The following GALNT5 variants were observed in gnomAD, a reference collection of about 807,000 sequenced individuals.
GALNT5 encodes the protein UDP-GalNAc:polypeptide N-acetylgalactosaminyltransferase 5.
A neutral mutation model predicts 85.4 loss-of-function variants in GALNT5; 72 were observed. That is an observed-to-expected ratio of 0.84 (90% CI 0.70 to 1.03). The LOEUF (loss-of-function observed/expected upper bound fraction) is 1.03, where lower values mean the gene tolerates loss of function less well. Ranked by LOEUF, GALNT5 falls within the 50% of genes least tolerant of loss-of-function variation. The pLI, the probability that GALNT5 is intolerant of heterozygous loss-of-function variation, is 0.00. For missense variants in GALNT5, 1,137 were observed against 1,135.5 expected (o/e 1.00, Z -0.02); for synonymous variants, 404 against 397.0 (o/e 1.02, Z -0.21).
intron 8 of GALNT5, among the ~76,000 whole-genome samples, chr2:157,306,569 A>G (rs780628177): frequency 1.1e-4 from 16 of 152,202 alleles, no homozygotes; most frequent in Admixed American, 3.3e-4. Flanking sequence ...TTGTGGAAAC[A>G]GTTATTGGTT....
At chr2:157,265,427 A>G (rs1682435886) in intron 1 of GALNT5, among the ~76,000 whole-genome samples, 1 of 152,230 alleles carries the variant, frequency 6.6e-6, no homozygotes, top group African/African-American at 2.4e-5. Flanking sequence ...GTTTCTTTCT[A>G]AAAAGAAAAC....
intron 7 of GALNT5, among the ~76,000 whole-genome samples, chr2:157,304,333 T>C (rs936793282): frequency 1.3e-5 from 2 of 152,230 alleles, no homozygotes; most frequent in Non-Finnish European, 2.9e-5. Flanking sequence ...AGAGATTCCA[T>C]CCTTCCATAG....
At chr2:157,288,592 GATTC>G (rs140310925) in intron 3 of GALNT5, among the ~76,000 whole-genome samples, 2,658 of 152,258 alleles carry the variant, frequency 0.017, 77 homozygotes, top group African/African-American at 0.06. Flanking sequence ...AGTCATAAAA[GATTC>G]ATTTGGGGAG....
chr2:157,309,376 G>A (rs1437012408), intron 9 of GALNT5, among the ~76,000 whole-genome samples: 1 of 152,142 alleles, frequency 6.6e-6, no homozygotes, highest in Non-Finnish European at 1.5e-5. Context: ...TTTTCTGAAG[G>A]TCCAGTTGTT....
chr2:157,266,809 T>C (rs947747691), intron 1 of GALNT5, among the ~76,000 whole-genome samples: 1 of 152,200 alleles, frequency 6.6e-6, no homozygotes, highest in African/African-American at 2.4e-5. Flanking sequence ...TTCCTTATAG[T>C]CATATGACAT....
At chr2:157,307,820 C>T (rs1339227451) in intron 8 of GALNT5, among the ~76,000 whole-genome samples, 2 of 152,012 alleles carry the variant, frequency 1.3e-5, no homozygotes, top group Non-Finnish European at 2.9e-5. Context: ...TCCCACAGAC[C>T]CAGAGCATTA....
chr2:157,258,068 G>A lies in GALNT5; in HGVS notation c.-15G>A. 6.2e-7 allele frequency: 1 copy of A among 1,611,684 alleles called. No homozygotes were observed. Among genetic ancestry groups the A allele is most frequent in the Non-Finnish European group, 8.5e-7 (1 of 1,179,936 alleles). ...AGGCTAAGGGAGGGCAGGCTGCTAG[G>A]GAAAGCTTTGTACCATGAACAGGAT... On this transcript the variant is annotated 5_prime_UTR_variant, in exon 1 of 10. Transcript: ENST00000259056.
intron 1 of GALNT5, among the ~76,000 whole-genome samples, chr2:157,272,567 C>T (rs1433542382): frequency 1.3e-5 from 2 of 152,104 alleles, no homozygotes; most frequent in East Asian, 3.9e-4. Flanking sequence ...TCTATCATTG[C>T]CATCTTTATG....
At chr2:157,270,813 ATAGT>A (rs1204839468) in intron 1 of GALNT5, among the ~76,000 whole-genome samples, 1 of 152,214 alleles carries the variant, frequency 6.6e-6, no homozygotes, top group Non-Finnish European at 1.5e-5. Context: ...TAATAAAAGA[ATAGT>A]TAATTTTGAG....
At chr2:157,303,340 G>A (rs2166489) in intron 7 of GALNT5, among the ~76,000 whole-genome samples, 144,419 of 152,232 alleles carry the variant, frequency 0.95, 68,600 homozygotes, top group East Asian at 1. Flanking sequence ...TGAAGCTAAT[G>A]AAAGAATCTC....
Position 157,315,597 on chromosome 2 carries a change from C to T in GALNT5, c.*4249C>T, listed in dbSNP as rs1279327357. 6.6e-6 allele frequency among the ~76,000 whole-genome samples: 1 copy of T among 152,032 alleles called. No individual in the cohort carries two copies. The highest frequency in any genetic ancestry group is 1.5e-5 in the Non-Finnish European group (1 of 68,006). ...CATGGTCTCTCTCTCTCTGTGGTAACCAATTGATGTGTAGGTATAAACATG... is the reference window on the plus strand; with the variant it reads ...CATGGTCTCTCTCTCTCTGTGGTAATCAATTGATGTGTAGGTATAAACATG... On this transcript the variant is annotated 3_prime_UTR_variant, in exon 10 of 10. Coordinates refer to ENST00000259056, the MANE Select transcript of GALNT5 (RefSeq NM_014568.3).
chr2:157,310,517 T>C (rs936623191), intron 9 of GALNT5, among the ~76,000 whole-genome samples: 1 of 152,230 alleles, frequency 6.6e-6, no homozygotes, highest in Non-Finnish European at 1.5e-5. Flanking sequence ...TTGATAACTT[T>C]TTAAAGTTTA....
At position 157,299,561 on chromosome 2, in the gene GALNT5, G is replaced by C; in HGVS notation, c.2011G>C (p.Ala671Pro). ...ETDTIRCPVM[A>P]GGLFSIDKSY... Reference sequence around the variant, plus strand: ...TTCTTTTTGTAGGTGCCCTGTCATGGCTGGTGGATTGTTTTCTATTGACAA... The same window carrying C: ...TTCTTTTTGTAGGTGCCCTGTCATGCCTGGTGGATTGTTTTCTATTGACAA... Residue 671 changes from alanine to proline, a missense_variant, in exon 6 of 10, where the codon GCT becomes CCT. Transcript: ENST00000259056. 6.2e-7 allele frequency: 1 copy of C among 1,607,332 alleles called. No homozygotes were observed. Among genetic ancestry groups the C allele is most frequent in the Non-Finnish European group, 8.5e-7 (1 of 1,174,318 alleles).
At position 157,259,338 on chromosome 2, in the gene GALNT5, G is replaced by A; in HGVS notation, c.1256G>A (p.Gly419Glu). Residue 419 changes from glycine (G) to glutamate (E), a missense_variant, in exon 1 of 10, where the codon GGA (glycine) becomes GAA (glutamate). Gly to Glu is a moderately conservative substitution (Grantham distance 98). Transcript: ENST00000259056. ...AAAGCCCTTTTACCTGAAGACAGTGGAACGCACCAGGTGTTAAGAATTGAT... is the reference window on the plus strand; with the variant it reads ...AAAGCCCTTTTACCTGAAGACAGTGAAACGCACCAGGTGTTAAGAATTGAT... ...HIKALLPEDS[G>E]THQVLRIDVT... 10 of 1,560,792 alleles carry A rather than the reference G, an allele frequency of 6.4e-6. No individual in the cohort carries two copies. The highest frequency in any genetic ancestry group is 6.9e-6 in the Non-Finnish European group (8 of 1,155,696).
chr2:157,303,100 A>T (rs978940774), intron 7 of GALNT5, among the ~76,000 whole-genome samples: 1 of 152,208 alleles, frequency 6.6e-6, no homozygotes, highest in Admixed American at 6.5e-5. Context: ...ATTTAGATCC[A>T]GTGAAAGTTT....
intron 4 of GALNT5, among the ~76,000 whole-genome samples, chr2:157,296,140 C>T (rs921322941): frequency 1.9e-5 from 1 of 51,550 alleles, no homozygotes; most frequent in African/African-American, 3.8e-5. Flanking sequence ...TTAAGTTGCT[C>T]TTGTATTTTT....
At chr2:157,295,548 G>T in intron 3 of GALNT5, 115 bp from the exon 4 acceptor site, 1 of 693,872 alleles carries the variant, frequency 1.4e-6, no homozygotes, top group Non-Finnish European at 2.3e-6. Context: ...AAAAAAAAAA[G>T]GTCACTGCAT....
chr2:157,258,123 T>C lies in GALNT5; in HGVS notation c.41T>C (p.Val14Ala). The C allele has an allele frequency of 6.2e-7, 1 of 1,613,884 alleles. No individual in the cohort carries two copies. Residue 14 changes from valine to alanine, a missense_variant, in exon 1 of 10, where the codon GTC becomes GCC. Val to Ala is a moderately conservative substitution (Grantham distance 64). Coordinates refer to ENST00000259056, the MANE Select transcript of GALNT5 (RefSeq NM_014568.3). ...AAGTTTTTCCGAGGAAGTGGGCGAGTCTTGGCATTTATCTTTGTAGCTTCT... is the reference window on the plus strand; with the variant it reads ...AAGTTTTTCCGAGGAAGTGGGCGAGCCTTGGCATTTATCTTTGTAGCTTCT... ...IRKFFRGSGR[V>A]LAFIFVASVI... is the part of the protein sequence containing the mutation.
intron 1 of GALNT5, among the ~76,000 whole-genome samples, chr2:157,263,301 C>T (rs1366620446): frequency 6.6e-6 from 1 of 152,166 alleles, no homozygotes; most frequent in Non-Finnish European, 1.5e-5. Flanking sequence ...TGCTCTTCTC[C>T]ACCCTTTACA....
Sources: allele counts gnomAD v4.1 joint callset (sites outside exome capture counted in the v4.1 genomes callset), GRCh38; gene constraint gnomAD v4.1.1; transcripts MANE v1.5; gene names NCBI Gene and HGNC (gene_info 2026-07-23, HGNC 2026-07-21).